SERPING1: variants seen among roughly 807,000 people sequenced by gnomAD.
The protein encoded by SERPING1 is serpin family G member 1.
In SERPING1, 5 loss-of-function variants were observed where a neutral mutation model predicts 34.1. The ratio of observed to expected loss-of-function variants is 0.15; its 90% CI spans 0.08 to 0.31. The LOEUF (loss-of-function observed/expected upper bound fraction) is 0.31. SERPING1 is among the 10% of genes least tolerant of loss of function. The probability of loss-of-function intolerance (pLI) is 1.00; values close to 1 mark genes in which losing one functional copy is unlikely to be tolerated. For missense variants in SERPING1, 505 were observed against 609.5 expected (o/e 0.83, Z 1.81); for synonymous variants, 225 against 242.4 (o/e 0.93, Z 0.67).
intron 4 of SERPING1, 131 bp from the exon 5 acceptor site, chr11:57,605,879 C>T (rs1945403263): frequency 1.1e-6 from 1 of 890,612 alleles, no homozygotes; most frequent in East Asian, 2.4e-5. Context: ...GTGGGCTGGA[C>T]CGCGCTCCAC....
chr11:57,606,294 G>T, intron 5 of SERPING1, 81 bp downstream of exon 5: 1 of 1,599,942 alleles, frequency 6.3e-7, no homozygotes, highest in Admixed American at 1.7e-5. Flanking sequence ...TTAACCCCAA[G>T]TTCTACAATC....
At chr11:57,611,559 A>G (rs888508824) in intron 6 of SERPING1, 158 bp from the exon 7 acceptor site, 2 of 742,996 alleles carry the variant, frequency 2.7e-6, no homozygotes, top group South Asian at 1.6e-5. Context: ...CCCAGCTGGT[A>G]TCCCCATTTC....
Position 57,599,904 on chromosome 11 carries a change from C to T in SERPING1, c.77C>T (p.Ala26Val). The T allele has an allele frequency of 6.2e-7, 1 of 1,614,168 alleles. No homozygotes were observed. Among genetic ancestry groups the T allele is most frequent in the Non-Finnish European group, 8.5e-7 (1 of 1,180,020 alleles). The part of the protein sequence containing the change: ...AGDRASSNPN[A>V]TSSSSQDPES... Reference sequence around the variant, plus strand: ...GATAGAGCCTCCTCAAATCCAAATGCTACCAGCTCCAGCTCCCAGGATCCA... The same window carrying T: ...GATAGAGCCTCCTCAAATCCAAATGTTACCAGCTCCAGCTCCCAGGATCCA... The change falls in exon 3 of 8, where the codon GCT becomes GTT. Residue 26 changes from alanine (A) to valine (V), a missense_variant. Physicochemically the swap from Ala to Val is moderately conservative, Grantham distance 64. Coordinates refer to ENST00000278407, the MANE Select transcript of SERPING1 (RefSeq NM_000062.3).
At chr11:57,612,022 AT>A in intron 7 of SERPING1, 86 bp downstream of exon 7, 1 of 1,123,378 alleles carries the variant, frequency 8.9e-7, no homozygotes, top group Non-Finnish European at 1.4e-6. Context: ...TCTCTAGAGT[AT>A]TTTTTACATC....
At position 57,600,284 on chromosome 11, in the gene SERPING1, C is replaced by T. The variant is rs755705480; in HGVS notation, c.457C>T (p.Leu153Phe). The T allele has an allele frequency of 3.7e-6, 6 of 1,614,102 alleles. No homozygotes were observed. The highest frequency in any genetic ancestry group is 1.7e-4 in the Middle Eastern group (1 of 5,976). Residue 153 changes from leucine (L) to phenylalanine (F), a missense_variant, in exon 3 of 8, where the codon CTC (leucine) becomes TTC (phenylalanine). Coordinates refer to ENST00000278407, the MANE Select transcript of SERPING1 (RefSeq NM_000062.3). ...GDALVDFSLKLYHAFSAMKKV... is the reference protein window; with the variant it reads ...GDALVDFSLKFYHAFSAMKKV... ...TGCTTTGGTAGATTTCTCCCTGAAGCTCTACCACGCCTTCTCAGCAATGAA... is the reference window on the plus strand; with the variant it reads ...TGCTTTGGTAGATTTCTCCCTGAAGTTCTACCACGCCTTCTCAGCAATGAA...
chr11:57,598,035 A>C, intron 1 of SERPING1: 2 of 538,386 alleles, frequency 3.7e-6, no homozygotes, highest in Admixed American at 3.2e-5. Flanking sequence ...GCCCACGGGG[A>C]GAGGAAGGGC....
Position 57,602,099 on chromosome 11 carries a change from T to C in SERPING1, c.615T>C (p.Cys205=), listed in dbSNP as rs1274312627. Residue 205 remains cysteine, a synonymous_variant, in exon 4 of 8, where the codon TGT becomes TGC. Coordinates refer to ENST00000278407, the MANE Select transcript of SERPING1 (RefSeq NM_000062.3). ...SILSYPKDFT[C]VHQALKGFTT... is the part of the protein sequence containing the mutation. ...TCTCTTACCCCAAGGACTTCACCTG[T>C]GTCCACCAGGCCCTGAAGGGCTTCA... The C allele has an allele frequency of 6.2e-7, 1 of 1,614,154 alleles. No individual in the cohort carries two copies. The highest frequency in any genetic ancestry group is 2.2e-5 in the East Asian group (1 of 44,862).
rs1590822472 is a variant in SERPING1 at position 57,600,082 on chromosome 11, A to G, written c.255A>G (p.Glu85=). Reference sequence around the variant, plus strand: ...AAATAACAGCTAATACCACTGATGAACCCACCACACAACCCACCACAGAGC... The same window carrying G: ...AAATAACAGCTAATACCACTGATGAGCCCACCACACAACCCACCACAGAGC... The part of the protein sequence containing the change: ...ATKITANTTD[E]PTTQPTTEPT... The change falls in exon 3 of 8, where the codon GAA becomes GAG. Residue 85 remains glutamate (E), a synonymous_variant. Coordinates refer to ENST00000278407, the MANE Select transcript of SERPING1 (RefSeq NM_000062.3). The G allele has an allele frequency of 1.2e-6, 2 of 1,613,488 alleles. No homozygotes were observed. Among genetic ancestry groups the G allele is most frequent in the Non-Finnish European group, 1.7e-6 (2 of 1,179,670 alleles).
intron 6 of SERPING1, 196 bp downstream of exon 6, chr11:57,606,743 C>A: frequency 1.4e-6 from 1 of 734,270 alleles, no homozygotes; most frequent in Non-Finnish European, 2.4e-6. Flanking sequence ...ATATTTTAGG[C>A]TGGAAACAGG....
chr11:57,600,900 G>A (rs1453903147), intron 3 of SERPING1, among the ~76,000 whole-genome samples: 6 of 151,364 alleles, frequency 4.0e-5, no homozygotes, highest in African/African-American at 4.9e-5. Context: ...GCAGTGAGCC[G>A]AGACCGCACC....
In SERPING1 at chr11:57,614,545, T is replaced by C; in HGVS notation, c.1467T>C (p.Pro489=). ...TCTGGGACCAGCAGCACAAGTTCCC[T>C]GTCTTCATGGGGCGAGTATATGACC... ...FVLWDQQHKF[P]VFMGRVYDPR... Residue 489 remains proline, a synonymous_variant, in exon 8 of 8, where the codon CCT becomes CCC. Coordinates refer to ENST00000278407, the MANE Select transcript of SERPING1 (RefSeq NM_000062.3). 1 of 1,614,034 alleles carries C rather than the reference T, an allele frequency of 6.2e-7. No individual in the cohort carries two copies. The highest frequency in any genetic ancestry group is 8.5e-7 in the Non-Finnish European group (1 of 1,179,982).
At chr11:57,600,481 A>G in intron 3 of SERPING1, 104 bp downstream of exon 3, 1 of 1,303,094 alleles carries the variant, frequency 7.7e-7, no homozygotes, top group Non-Finnish European at 1.1e-6. Flanking sequence ...GAAGCTGTAA[A>G]AATGGGCTAT....
At chr11:57,604,214 T>C (rs1473788567) in intron 4 of SERPING1, among the ~76,000 whole-genome samples, 1 of 151,962 alleles carries the variant, frequency 6.6e-6, no homozygotes, top group Non-Finnish European at 1.5e-5. Context: ...AGACATAAAA[T>C]AGACAAAAAA....
Position 57,600,062 on chromosome 11 carries a change from A to G in SERPING1, c.235A>G (p.Thr79Ala), listed in dbSNP as rs1158065234. ...AACAACCAATTCAGCCACCAAAATA[A>G]CAGCTAATACCACTGATGAACCCAC... ...NSTTNSATKI[T>A]ANTTDEPTTQ... Residue 79 changes from threonine (T) to alanine (A), a missense_variant, in exon 3 of 8, where the codon ACA becomes GCA. Thr to Ala is a moderately conservative substitution (Grantham distance 58). Transcript: ENST00000278407. 3 of 1,613,984 alleles carry G rather than the reference A, an allele frequency of 1.9e-6. No homozygotes were observed. In the East Asian group the frequency reaches 6.7e-5, roughly 36 times the overall value.
rs1491087952 is a variant in SERPING1 at position 57,601,880 on chromosome 11, A to AG, written c.551-155_551-154insG. Among the ~76,000 whole-genome samples, 38 of 129,496 alleles carry AG rather than the reference A, an allele frequency of 2.9e-4. 3 individuals carry two copies. The highest frequency in any genetic ancestry group is 7.1e-4 in the African/African-American group (25 of 35,190). The allele number at this position is 129,496 out of a possible 152,430, so 85.0% of individuals were successfully genotyped here. On this transcript the variant is annotated intron_variant, in intron 3 of 7. Coordinates refer to ENST00000278407, the MANE Select transcript of SERPING1 (RefSeq NM_000062.3). ...CAAAAAAAAAAAAAAAAAAAAAAAAAAGAGAGATTGAGAGAACACTTCCAG... is the reference window on the plus strand; with the variant it reads ...CAAAAAAAAAAAAAAAAAAAAAAAAAGAGAGAGATTGAGAGAACACTTCCAG...
At chr11:57,607,200 G>T (rs1192347114) in intron 6 of SERPING1, among the ~76,000 whole-genome samples, 2 of 152,118 alleles carry the variant, frequency 1.3e-5, no homozygotes, top group African/African-American at 2.4e-5. Context: ...AGAAACAAAG[G>T]CTCTGTTCTT....
At chr11:57,602,289 G>T (rs1424004983) in intron 4 of SERPING1, 120 bp downstream of exon 4, 4 of 1,218,004 alleles carry the variant, frequency 3.3e-6, no homozygotes, top group Non-Finnish European at 4.8e-6. Context: ...ATCAGGGATG[G>T]ACTGCAGAGC....
intron 6 of SERPING1, among the ~76,000 whole-genome samples, chr11:57,611,015 G>T (rs1590829332): frequency 6.6e-6 from 1 of 151,922 alleles, no homozygotes; most frequent in Non-Finnish European, 1.5e-5. Flanking sequence ...GCTCACTGCA[G>T]CCTCCACCTC....
intron 6 of SERPING1, among the ~76,000 whole-genome samples, chr11:57,609,465 A>G (rs1945454482): frequency 6.6e-6 from 1 of 152,044 alleles, no homozygotes; most frequent in Admixed American, 6.6e-5. Flanking sequence ...CTGTAATCCC[A>G]GATACTTGTG....
Sources: gnomAD v4.1 joint callset for allele counts (sites outside exome capture counted in the v4.1 genomes callset) on GRCh38, gnomAD v4.1.1 for gene constraint, MANE v1.5 for transcripts, NCBI Gene and HGNC (gene_info 2026-07-23, HGNC 2026-07-21) for gene names.